The following TMC1 variants were observed in gnomAD, a reference collection of about 807,000 sequenced individuals.
TMC1 encodes the protein transmembrane channel like 1.
A neutral mutation model predicts 105.8 loss-of-function variants in TMC1; 84 were observed. The ratio of observed to expected loss-of-function variants is 0.79; its 90% CI spans 0.67 to 0.95. TMC1 has a LOEUF of 0.95. TMC1 is among the 40% of genes least tolerant of loss of function. TMC1 has a pLI of 0.00. For synonymous variants in TMC1, 315 were observed against 311.5 expected, an observed-to-expected ratio of 1.01 and a Z score of -0.12; for missense variants, 817 against 914.1, an observed-to-expected ratio of 0.89 and a Z score of 1.37.
intron 4 of TMC1, among the ~76,000 whole-genome samples, chr9:72,634,258 A>C (rs1825496602): frequency 6.6e-6 from 1 of 152,182 alleles, no homozygotes. Flanking sequence ...AGAATGCGAA[A>C]GTTTAAAAAT....
At chr9:72,562,848 G>A (rs911271975) in intron 1 of TMC1, among the ~76,000 whole-genome samples, 5 of 152,264 alleles carry the variant, frequency 3.3e-5, no homozygotes, top group Admixed American at 1.3e-4. Flanking sequence ...TGGGTGTGGC[G>A]GCAGACGCCT....
At position 72,693,613 on chromosome 9, in the gene TMC1, TG is replaced by T. The variant is rs531111425; in HGVS notation, c.65-926del. On this transcript the variant is annotated intron_variant, in intron 6 of 23. Transcript: ENST00000297784. ...TTCCATTGAAATATAATTTTTTCTCTGGGGTAGCCTCTATTTAAGAGAGTAA... is the reference window on the plus strand; with the variant it reads ...TTCCATTGAAATATAATTTTTTCTCTGGGTAGCCTCTATTTAAGAGAGTAA... 1.5e-4 allele frequency among the ~76,000 whole-genome samples: 23 copies of T among 152,302 alleles called. No homozygotes were observed. The South Asian group carries it at 4.8e-3, about 32-fold the overall frequency.
intron 1 of TMC1, among the ~76,000 whole-genome samples, chr9:72,531,288 A>T (rs555517806): frequency 6.6e-6 from 1 of 152,336 alleles, no homozygotes; most frequent in South Asian, 2.1e-4. Flanking sequence ...TTACATTAAC[A>T]GTGTCTAGTC....
At chr9:72,526,004 T>G (rs1246622086) in intron 1 of TMC1, among the ~76,000 whole-genome samples, 4 of 151,690 alleles carry the variant, frequency 2.6e-5, no homozygotes, top group African/African-American at 4.8e-5. Context: ...AAAAAAAAAT[T>G]CCTTAACCAC....
chr9:72,559,091 G>T (rs1313541640), intron 1 of TMC1, among the ~76,000 whole-genome samples: 1 of 151,270 alleles, frequency 6.6e-6, no homozygotes, highest in Admixed American at 6.6e-5. Flanking sequence ...GAGCCTGGAA[G>T]ATTTTTCTTT....
intron 1 of TMC1, among the ~76,000 whole-genome samples, chr9:72,576,216 A>G (rs554324072): frequency 2.0e-5 from 3 of 152,346 alleles, no homozygotes; most frequent in South Asian, 2.1e-4. Flanking sequence ...AGCTGTGATC[A>G]TGGTGACATT....
intron 8 of TMC1, among the ~76,000 whole-genome samples, chr9:72,725,327 A>G (rs1663734): frequency 0.45 from 37,624 of 82,898 alleles, 6,204 homozygotes; most frequent in African/African-American, 0.58. Context: ...GTGTGTATGT[A>G]TATATATATA....
At chr9:72,653,566 G>C (rs144453100) in intron 5 of TMC1, among the ~76,000 whole-genome samples, 1 of 152,256 alleles carries the variant, frequency 6.6e-6, no homozygotes, top group African/African-American at 2.4e-5. Flanking sequence ...ATAAAATGGT[G>C]ACACTCCTTT....
chr9:72,566,058 C>G (rs900364840), intron 1 of TMC1, among the ~76,000 whole-genome samples: 29 of 152,294 alleles, frequency 1.9e-4, no homozygotes, highest in Admixed American at 1.7e-3. Context: ...GAGACAGGGT[C>G]TCACTTTGCC....
chr9:72,528,427 C>T (rs1450080994), intron 1 of TMC1, among the ~76,000 whole-genome samples: 2 of 150,502 alleles, frequency 1.3e-5, no homozygotes, highest in African/African-American at 4.9e-5. Context: ...CTCCGCCTCC[C>T]GGGTTCAAGC....
chr9:72,621,288 G>A (rs919275612), intron 3 of TMC1, among the ~76,000 whole-genome samples: 2 of 152,118 alleles, frequency 1.3e-5, no homozygotes, highest in Non-Finnish European at 2.9e-5. Context: ...CAATTTAACA[G>A]CAATGCTCTC....
At chr9:72,535,802 G>A (rs901683355) in intron 1 of TMC1, among the ~76,000 whole-genome samples, 5 of 152,182 alleles carry the variant, frequency 3.3e-5, no homozygotes, top group Admixed American at 2.0e-4. Flanking sequence ...ATAGGGCAAG[G>A]GAGGCAGCAA....
chr9:72,757,535 C>A lies in TMC1; in HGVS notation c.741+2651C>A, dbSNP rs182133878. ...TCAGATTTTGGCATATTTCCGTATA[C>A]ATAATGAGATATCTTGAAGATGACA... On this transcript the variant is annotated intron_variant, in intron 12 of 23. Coordinates refer to ENST00000297784, the MANE Select transcript of TMC1 (RefSeq NM_138691.3). 3.9e-5 allele frequency among the ~76,000 whole-genome samples: 6 copies of A among 152,276 alleles called. No homozygotes were observed. In the East Asian group the frequency reaches 9.7e-4, roughly 24 times the overall value.
At chr9:72,742,344 A>T in intron 9 of TMC1, 100 bp from the exon 10 acceptor site, 1 of 929,048 alleles carries the variant, frequency 1.1e-6, no homozygotes, top group Non-Finnish European at 1.7e-6. Flanking sequence ...CCAGAGAGAC[A>T]TTTCCAAGCT....
At chr9:72,657,212 G>A (rs1564472341) in intron 5 of TMC1, among the ~76,000 whole-genome samples, 1 of 152,174 alleles carries the variant, frequency 6.6e-6, no homozygotes, top group Non-Finnish European at 1.5e-5. Context: ...GAGACCACAA[G>A]CCACTGTTTG....
chr9:72,527,059 C>A (rs541717196), intron 1 of TMC1, among the ~76,000 whole-genome samples: 1 of 152,100 alleles, frequency 6.6e-6, no homozygotes, highest in Non-Finnish European at 1.5e-5. Flanking sequence ...CATGGGGTTC[C>A]GCTGGGCATG....
At chr9:72,815,980 C>G (rs1828781425) in intron 18 of TMC1, among the ~76,000 whole-genome samples, 163 bp from the exon 19 acceptor site, 1 of 151,878 alleles carries the variant, frequency 6.6e-6, no homozygotes, top group African/African-American at 2.4e-5. Context: ...AAAAAAGGTG[C>G]TTTCTTTGTT....
rs536894435 is a variant in TMC1 at position 72,717,839 on chromosome 9, T to C, written c.362+17196T>C. ...AACTTCTTGTATTTGGATGTCTACA[T>C]CTCCAGCAAGGCTGAGGAAGTTTTC... On this transcript the variant is annotated intron_variant, in intron 8 of 23. Transcript: ENST00000297784. Among the ~76,000 whole-genome samples the C allele has an allele frequency of 2.6e-5, 4 of 152,336 alleles. No individual in the cohort carries two copies. In the South Asian group the frequency reaches 8.3e-4, roughly 32 times the overall value.
chr9:72,768,108 T>C (rs1827867678), intron 12 of TMC1, among the ~76,000 whole-genome samples: 1 of 151,962 alleles, frequency 6.6e-6, no homozygotes, highest in South Asian at 2.1e-4. Flanking sequence ...ATAAAGAAAA[T>C]GTGGCACATA....
Sources: gnomAD v4.1 joint callset for allele counts (sites outside exome capture counted in the v4.1 genomes callset) on GRCh38, gnomAD v4.1.1 for gene constraint, MANE v1.5 for transcripts, NCBI Gene and HGNC (gene_info 2026-07-23, HGNC 2026-07-21) for gene names.